The following C1orf159 variants were observed in gnomAD, a reference collection of about 807,000 sequenced individuals.
The protein encoded by C1orf159 is chromosome 1 open reading frame 159, also known as uncharacterized protein C1orf159.
Under a neutral mutation model 25.6 loss-of-function variants are expected in C1orf159, and 19 were observed. The observed-to-expected ratio is 0.74, with a 90% CI of 0.52 to 1.09. The LOEUF is 1.09. Among genes scored for constraint, C1orf159 ranks in the 50% least tolerant of loss-of-function variants. C1orf159 has a pLI of 0.00. For synonymous variants in C1orf159, 139 were observed against 124.7 expected, an observed-to-expected ratio of 1.12 and a Z score of -0.77; for missense variants, 274 against 290.6, an observed-to-expected ratio of 0.94 and a Z score of 0.42.
Position 1,087,295 on chromosome 1 carries a change from T to G in C1orf159, c.245-91A>C. The G allele has an allele frequency of 7.4e-7, 1 of 1,355,142 alleles. No homozygotes were observed. Among genetic ancestry groups the G allele is most frequent in the Non-Finnish European group, 1.0e-6 (1 of 1,004,498 alleles). The allele number at this position is 1,355,142 out of a possible 1,614,324, so 83.9% of individuals were successfully genotyped here. Reference sequence around the variant, plus strand: ...CTGAAGGGATCTCAGGACGGAAATATGAAAGCGAGGGGCTGAGGGGGCGGA... The same window carrying G: ...CTGAAGGGATCTCAGGACGGAAATAGGAAAGCGAGGGGCTGAGGGGGCGGA... On this transcript the variant is annotated intron_variant, in intron 5 of 9. Transcript: ENST00000421241. This position sits in a 1 kb window ranked among gnomAD's most constrained non-coding sequence, Gnocchi z 8.3.
chr1:1,083,523 C>T, intron 9 of C1orf159: 1 of 243,314 alleles, frequency 4.1e-6, no homozygotes, highest in Non-Finnish European at 8.0e-6. Context: ...AACGCAGCCA[C>T]AGATGCCTGA....
intron 1 of C1orf159, among the ~76,000 whole-genome samples, chr1:1,100,675 C>CAG (rs1646088658): frequency 6.6e-6 from 1 of 152,160 alleles, no homozygotes; most frequent in African/African-American, 2.4e-5. Flanking sequence ...TATTCTCTTT[C>CAG]TGGCCCTCTT....
At chr1:1,084,825 G>C (rs972747364) in intron 7 of C1orf159, among the ~76,000 whole-genome samples, 5 of 152,122 alleles carry the variant, frequency 3.3e-5, no homozygotes, top group Non-Finnish European at 5.9e-5. Context: ...CATGAGAAGC[G>C]TCTCCCCAGG....
chr1:1,100,111 C>A (rs1196415188), intron 1 of C1orf159, among the ~76,000 whole-genome samples: 1 of 151,958 alleles, frequency 6.6e-6, no homozygotes, highest in African/African-American at 2.4e-5. Context: ...AAAACAAATA[C>A]ATAGACGGAC....
In C1orf159 at chr1:1,082,738, C is replaced by T. The variant is rs1047702250; in HGVS notation, c.*155G>A. 2.8e-5 allele frequency: 19 copies of T among 675,240 alleles called. No individual in the cohort carries two copies. Among genetic ancestry groups the T allele is most frequent in the East Asian group, 2.5e-4 (9 of 36,124 alleles). The allele number at this position is 675,240 out of a possible 1,614,324, so 41.8% of individuals were successfully genotyped here. A position where few individuals can be genotyped will look rare whatever the true frequency, so the allele number is the denominator to read the frequency against. ...CCTCAGGCGGCCCGGGACCCTTTGG[C>T]GTCCGTCGCTGGGAGGCGGAGGGAC... On this transcript the variant is annotated 3_prime_UTR_variant, in exon 10 of 10. Transcript: ENST00000421241.
At position 1,082,767 on chromosome 1, in the gene C1orf159, G is replaced by A; in HGVS notation, c.*126C>T. 1.1e-6 allele frequency: 1 copy of A among 883,468 alleles called. No homozygotes were observed. The allele number at this position is 883,468 out of a possible 1,614,324, so 54.7% of individuals were successfully genotyped here. A position where few individuals can be genotyped will look rare whatever the true frequency, so the allele number is the denominator to read the frequency against. The stretch of plus-strand genomic sequence containing the variant: ...CGTCGCTGGGAGGCGGAGGGACTCA[G>A]AGCCGAGGCTGTGCCCAGGACTGTC... On this transcript the variant is annotated 3_prime_UTR_variant, in exon 10 of 10. Coordinates refer to ENST00000421241, the MANE Select transcript of C1orf159 (RefSeq NM_017891.5).
intron 4 of C1orf159, 23 bp downstream of exon 4, chr1:1,090,330 C>T (rs1451711104): frequency 1.3e-6 from 2 of 1,550,234 alleles, no homozygotes; most frequent in African/African-American, 1.4e-5. Context: ...GGTCTGGAAT[C>T]TGCTTGGGAC....
At chr1:1,098,174 A>T (rs2100759215) in intron 1 of C1orf159, among the ~76,000 whole-genome samples, 1 of 151,964 alleles carries the variant, frequency 6.6e-6, no homozygotes, top group African/African-American at 2.4e-5. Context: ...GTTTTTAAGC[A>T]ATTCTCTGCC....
In C1orf159 at chr1:1,092,000, C is replaced by T; in HGVS notation, c.-32G>A. ...GTAGGCAGGGCCTTACCTGCCCCTCCAGGATGGGGACTACCGACATCAGCC... is the reference window on the plus strand; with the variant it reads ...GTAGGCAGGGCCTTACCTGCCCCTCTAGGATGGGGACTACCGACATCAGCC... On this transcript the variant is annotated 5_prime_UTR_variant, in exon 2 of 10. Transcript: ENST00000421241. 1 of 457,850 alleles carries T rather than the reference C, an allele frequency of 2.2e-6. No individual in the cohort carries two copies. The highest frequency in any genetic ancestry group is 1.5e-5 in the South Asian group (1 of 64,540). 28.4% of individuals were successfully genotyped at this position (457,850 alleles called of 1,614,324 possible).
Position 1,087,275 on chromosome 1 carries a change from G to A in C1orf159, c.245-71C>T. On this transcript the variant is annotated intron_variant, in intron 5 of 9. Coordinates refer to ENST00000421241, the MANE Select transcript of C1orf159 (RefSeq NM_017891.5). The surrounding 1 kb of genome is among the most constrained non-coding windows in gnomAD (Gnocchi z 8.3). ...CGGGGACACCCACGTGCACCCTGAAGGGATCTCAGGACGGAAATATGAAAG... is the reference window on the plus strand; with the variant it reads ...CGGGGACACCCACGTGCACCCTGAAAGGATCTCAGGACGGAAATATGAAAG... The A allele has an allele frequency of 7.0e-7, 1 of 1,433,666 alleles. No individual in the cohort carries two copies. The highest frequency in any genetic ancestry group is 9.4e-7 in the Non-Finnish European group (1 of 1,061,272). The allele number at this position is 1,433,666 out of a possible 1,614,324, so 88.8% of individuals were successfully genotyped here. A position where few individuals can be genotyped will look rare whatever the true frequency, so the allele number is the denominator to read the frequency against.
At chr1:1,091,245 G>A (rs868110071) in intron 3 of C1orf159, 50 of 639,242 alleles carry the variant, frequency 7.8e-5, no homozygotes, top group Middle Eastern at 3.8e-4. Context: ...TGGGGGCCCC[G>A]CCTGACCCAG....
intron 2 of C1orf159, 183 bp from the exon 3 acceptor site, chr1:1,091,748 G>A (rs1357436257): frequency 2.0e-6 from 1 of 500,870 alleles, no homozygotes; most frequent in Non-Finnish European, 3.7e-6. Flanking sequence ...AGTGGGCGGG[G>A]CTGTGGTGGA....
chr1:1,090,767 T>G, intron 3 of C1orf159: 1 of 974,826 alleles, frequency 1.0e-6, no homozygotes, highest in Non-Finnish European at 1.6e-6. Context: ...ATCAGGGGTT[T>G]CCGCTTGACC....
chr1:1,088,816 G>C (rs1288627578), intron 4 of C1orf159, among the ~76,000 whole-genome samples: 1 of 152,102 alleles, frequency 6.6e-6, no homozygotes, highest in African/African-American at 2.4e-5. Flanking sequence ...TGGAGAGTGG[G>C]CCTGAGACCC....
chr1:1,106,348 CA>C (rs763423009), intron 1 of C1orf159, among the ~76,000 whole-genome samples: 1 of 151,908 alleles, frequency 6.6e-6, no homozygotes, highest in East Asian at 1.9e-4. Flanking sequence ...TGGCTATTAC[CA>C]AAAAAACAGA....
In C1orf159 at chr1:1,102,095, AAC is replaced by A. The variant is rs572041658; in HGVS notation, c.-135-9994_-135-9993del. Among the ~76,000 whole-genome samples the A allele has an allele frequency of 6.3e-3, 851 of 135,246 alleles. 28 individuals are homozygous for A. The highest frequency in any genetic ancestry group is 0.018 in the African/African-American group (604 of 33,132). 88.7% of individuals were successfully genotyped at this position (135,246 alleles called of 152,430 possible). ...TCAAAAAAAAAAAAAAAAAAAAAAA[AAC>A]AAACTTTTGAAGTGATGGGTCCAGG... On this transcript the variant is annotated intron_variant, in intron 1 of 9. Transcript: ENST00000421241.
Position 1,087,485 on chromosome 1 carries a change from G to C in C1orf159, c.244+17C>G, listed in dbSNP as rs1439895745. ...GGAGCTGTGAGAAGGGAGCCGGGGGGAGCCGGGCAGACCTACAGCTTCTAC... is the reference window on the plus strand; with the variant it reads ...GGAGCTGTGAGAAGGGAGCCGGGGGCAGCCGGGCAGACCTACAGCTTCTAC... On this transcript the variant is annotated intron_variant, in intron 5 of 9. Coordinates refer to ENST00000421241, the MANE Select transcript of C1orf159 (RefSeq NM_017891.5). This position sits in a 1 kb window ranked among gnomAD's most constrained non-coding sequence, Gnocchi z 8.3. 5 of 1,540,252 alleles carry C rather than the reference G, an allele frequency of 3.2e-6. No individual in the cohort carries two copies. Among genetic ancestry groups the C allele is most frequent in the Middle Eastern group, 1.7e-4 (1 of 5,952 alleles).
chr1:1,102,614 T>TG (rs1646116717), intron 1 of C1orf159, among the ~76,000 whole-genome samples: 1 of 34,108 alleles, frequency 2.9e-5, no homozygotes, highest in Non-Finnish European at 5.7e-5. Context: ...CTGTCTCTAC[T>TG]AAAAAAAAAA....
chr1:1,086,598 C>T (rs887860556), intron 6 of C1orf159, among the ~76,000 whole-genome samples: 6 of 152,222 alleles, frequency 3.9e-5, no homozygotes, highest in Non-Finnish European at 5.9e-5. Flanking sequence ...TTGGGGGCCT[C>T]GCTCCTTCCT....
Sources: allele counts gnomAD v4.1 joint callset (sites outside exome capture counted in the v4.1 genomes callset), GRCh38; gene constraint gnomAD v4.1.1; non-coding constraint Gnocchi (gnomAD v3.1); transcripts MANE v1.5; gene names NCBI Gene and HGNC (gene_info 2026-07-23, HGNC 2026-07-21).